DAG1: variants seen among roughly 807,000 people sequenced by gnomAD.
DAG1 encodes dystroglycan 1 (dystrophin-associated glycoprotein 1).
DAG1 carries 8 observed loss-of-function variants against 46.1 expected under a neutral mutation model. The observed-to-expected ratio is 0.17, with a 90% confidence interval of 0.10 to 0.31. DAG1 has a LOEUF of 0.31. Ranked by LOEUF, DAG1 falls within the 10% of genes least tolerant of loss-of-function variation. The pLI, the probability that DAG1 is intolerant of heterozygous loss-of-function variation, is 1.00. For synonymous variants in DAG1, 495 were observed against 481.8 expected (o/e 1.03, Z -0.36); for missense variants, 1,003 against 1,189.9 (o/e 0.84, Z 2.31).
intron 1 of DAG1, among the ~76,000 whole-genome samples, chr3:49,480,436 C>T (rs1005033799): frequency 2.0e-4 from 30 of 150,700 alleles, no homozygotes; most frequent in East Asian, 6.0e-4. Context: ...CCACCACGCC[C>T]GGCTAATTTT....
chr3:49,478,004 C>T (rs1244008622), intron 1 of DAG1, among the ~76,000 whole-genome samples: 1 of 151,724 alleles, frequency 6.6e-6, no homozygotes, highest in Non-Finnish European at 1.5e-5. Context: ...TGGTGGCTCA[C>T]ACCTGTAATC....
At position 49,530,665 on chromosome 3, in the gene DAG1, G is replaced by C. The variant is rs569501038; in HGVS notation, c.286-132G>C. ...CTCAGTTGTGTCTCTCTAGGGGGGA[G>C]GAATCAGCTTCCCCAGCAGGCATTC... On this transcript the variant is annotated intron_variant, in intron 2 of 2. Coordinates refer to ENST00000308775, the MANE Select transcript of DAG1 (RefSeq NM_004393.6). 4 of 1,303,054 alleles carry C rather than the reference G, an allele frequency of 3.1e-6. No homozygotes were observed. The South Asian group carries it at 3.8e-5, about 12-fold the overall frequency. The allele number at this position is 1,303,054 out of a possible 1,614,324, so 80.7% of individuals were successfully genotyped here.
At position 49,531,535 on chromosome 3, in the gene DAG1, C is replaced by T. The variant is rs1157521279; in HGVS notation, c.1024C>T (p.Pro342Ser). ...GCCCCCATCCAGGATCGTGCCAACC[C>T]CCACATCTCCAGCCATTGCTCCTCC... The part of the protein sequence containing the change: ...QEPPSRIVPT[P>S]TSPAIAPPTE... The change falls in exon 3 of 3, where the codon CCC becomes TCC. Residue 342 changes from proline (P) to serine (S), a missense_variant. Physicochemically the swap from Pro to Ser is moderately conservative, Grantham distance 74 (BLOSUM62 -1). Coordinates refer to ENST00000308775, the MANE Select transcript of DAG1 (RefSeq NM_004393.6). The surrounding 1 kb of genome is among the most constrained non-coding windows in gnomAD (Gnocchi z 7.0). 6.2e-7 allele frequency: 1 copy of T among 1,610,876 alleles called. No individual in the cohort carries two copies. Among genetic ancestry groups the T allele is most frequent in the Non-Finnish European group, 8.5e-7 (1 of 1,177,362 alleles).
Position 49,531,513 on chromosome 3 carries a change from C to A in DAG1, c.1002C>A (p.Pro334=). The A allele has an allele frequency of 6.2e-7, 1 of 1,612,440 alleles. No individual in the cohort carries two copies. Among genetic ancestry groups the A allele is most frequent in the Non-Finnish European group, 8.5e-7 (1 of 1,178,748 alleles). ...IGPPTTAIQE[P]PSRIVPTPTS... is the part of the protein sequence containing the mutation. ...CCCCAACCACGGCTATCCAGGAGCCCCCATCCAGGATCGTGCCAACCCCCA... is the reference window on the plus strand; with the variant it reads ...CCCCAACCACGGCTATCCAGGAGCCACCATCCAGGATCGTGCCAACCCCCA... The change falls in exon 3 of 3, where the codon CCC becomes CCA. Residue 334 remains proline (P), a synonymous_variant. Coordinates refer to ENST00000308775, the MANE Select transcript of DAG1 (RefSeq NM_004393.6). The surrounding 1 kb of genome is among the most constrained non-coding windows in gnomAD (Gnocchi z 7.0).
intron 1 of DAG1, among the ~76,000 whole-genome samples, chr3:49,483,453 C>T (rs982349018): frequency 2.6e-5 from 4 of 152,022 alleles, no homozygotes; most frequent in African/African-American, 7.2e-5. Flanking sequence ...ATCTGCCTGC[C>T]TCGGCCTTCT....
chr3:49,481,882 A>G (rs1200840947), intron 1 of DAG1, among the ~76,000 whole-genome samples: 1 of 152,194 alleles, frequency 6.6e-6, no homozygotes, highest in African/African-American at 2.4e-5. Context: ...TTCTGTATCT[A>G]TAGGTTCCAC....
At chr3:49,523,970 C>T (rs760897818) in intron 2 of DAG1, among the ~76,000 whole-genome samples, 2 of 152,172 alleles carry the variant, frequency 1.3e-5, no homozygotes, top group African/African-American at 2.4e-5. Flanking sequence ...GGGATGAGTC[C>T]TGGCTTGTCA....
chr3:49,470,686 G>C (rs2049492962), intron 1 of DAG1: 1 of 152,282 alleles, frequency 6.6e-6, no homozygotes, highest in Non-Finnish European at 1.5e-5. Context: ...CGATGGGCCA[G>C]GCCTTAGCTC....
At chr3:49,526,765 T>A (rs946371991) in intron 2 of DAG1, among the ~76,000 whole-genome samples, 2 of 152,186 alleles carry the variant, frequency 1.3e-5, no homozygotes, top group African/African-American at 4.8e-5. Context: ...AAGAATTTGT[T>A]CTCAGTAGTC....
chr3:49,471,804 G>A (rs549335715), intron 1 of DAG1, among the ~76,000 whole-genome samples: 1 of 152,324 alleles, frequency 6.6e-6, no homozygotes, highest in Admixed American at 6.5e-5. Context: ...AGGGACCCAT[G>A]TAAAAGAGTC....
chr3:49,527,186 T>C (rs1463589049), intron 2 of DAG1, among the ~76,000 whole-genome samples: 1 of 150,930 alleles, frequency 6.6e-6, no homozygotes, highest in Non-Finnish European at 1.5e-5. Context: ...GGTCGGGAGA[T>C]TGAGACCATC....
chr3:49,486,366 A>G (rs915933766), intron 1 of DAG1, among the ~76,000 whole-genome samples: 2 of 150,384 alleles, frequency 1.3e-5, no homozygotes, highest in African/African-American at 4.9e-5. Context: ...CTATAGGCGC[A>G]TGCCACCACG....
At chr3:49,523,867 T>G (rs1031704494) in intron 2 of DAG1, among the ~76,000 whole-genome samples, 1 of 152,080 alleles carries the variant, frequency 6.6e-6, no homozygotes, top group Non-Finnish European at 1.5e-5. Context: ...CAAGGTTGGG[T>G]CAAGCGCCAG....
intron 1 of DAG1, among the ~76,000 whole-genome samples, chr3:49,506,392 T>G (rs2050608353): frequency 6.6e-6 from 1 of 152,244 alleles, no homozygotes; most frequent in South Asian, 2.1e-4. Context: ...GATAAGTCAC[T>G]CAGTTTGTCA....
chr3:49,485,042 A>G (rs1019664672), intron 1 of DAG1, among the ~76,000 whole-genome samples: 1 of 152,120 alleles, frequency 6.6e-6, no homozygotes, highest in African/African-American at 2.4e-5. Flanking sequence ...GCTGGAGTGC[A>G]GTAGCTTAAT....
chr3:49,508,425 G>T (rs1182440656), intron 1 of DAG1, among the ~76,000 whole-genome samples: 1 of 151,770 alleles, frequency 6.6e-6, no homozygotes, highest in Non-Finnish European at 1.5e-5. Context: ...TTGAGACAGG[G>T]TCTTGCTCTG....
intron 2 of DAG1, among the ~76,000 whole-genome samples, chr3:49,511,691 T>C (rs984234529): frequency 6.6e-6 from 1 of 152,142 alleles, no homozygotes; most frequent in Non-Finnish European, 1.5e-5. Flanking sequence ...TTTTTGTACT[T>C]TTTGTAGAGA....
intron 2 of DAG1, among the ~76,000 whole-genome samples, chr3:49,514,835 G>A (rs1290371885): frequency 5.0e-5 from 7 of 139,644 alleles, no homozygotes; most frequent in Non-Finnish European, 9.3e-5. Flanking sequence ...GTGTGTGTGT[G>A]TACACATACA....
intron 1 of DAG1, among the ~76,000 whole-genome samples, chr3:49,480,994 C>T (rs1250034824): frequency 6.8e-6 from 1 of 146,296 alleles, no homozygotes; most frequent in Non-Finnish European, 1.5e-5. Flanking sequence ...ATCTCCTGAC[C>T]TCGTGATCCG....
Sources: allele counts gnomAD v4.1 joint callset (sites outside exome capture counted in the v4.1 genomes callset), GRCh38; gene constraint gnomAD v4.1.1; non-coding constraint Gnocchi (gnomAD v3.1); transcripts MANE v1.5; gene names NCBI Gene and HGNC (gene_info 2026-07-23, HGNC 2026-07-21).